ADGRL4: variants seen among roughly 807,000 people sequenced by gnomAD.
ADGRL4 encodes the protein EGF, latrophilin and seven transmembrane domain containing 1.
Under a neutral mutation model 74.8 loss-of-function variants are expected in ADGRL4, and 90 were observed. The observed-to-expected ratio is 1.20, with a 90% CI of 1.02 to 1.43. The LOEUF (loss-of-function observed/expected upper bound fraction) is 1.43, where lower values mean the gene tolerates loss of function less well. ADGRL4 is among the 40% of genes most tolerant of loss of function. ADGRL4 has a pLI of 0.00. For synonymous variants in ADGRL4, 311 were observed against 279.2 expected (o/e 1.11, Z -1.14); for missense variants, 881 against 814.3 (o/e 1.08, Z -1.00).
intron 13 of ADGRL4, among the ~76,000 whole-genome samples, chr1:78,892,188 T>A (rs749203606): frequency 5.9e-5 from 9 of 152,112 alleles, no homozygotes; most frequent in Non-Finnish European, 1.2e-4. Context: ...AACGAACGTG[T>A]AGGATATAAA....
intron 2 of ADGRL4, among the ~76,000 whole-genome samples, chr1:78,989,668 C>G (rs964093628): frequency 1.3e-5 from 2 of 151,538 alleles, no homozygotes; most frequent in African/African-American, 4.8e-5. Context: ...AATCTTGCAG[C>G]CTAGATGATC....
At chr1:78,950,632 G>T (rs1407759281) in intron 2 of ADGRL4, among the ~76,000 whole-genome samples, 2 of 152,216 alleles carry the variant, frequency 1.3e-5, no homozygotes, top group African/African-American at 4.8e-5. Flanking sequence ...AGAAGATAAA[G>T]AAAAGAGGGT....
intron 12 of ADGRL4, among the ~76,000 whole-genome samples, chr1:78,905,699 C>T (rs1181066273): frequency 6.6e-6 from 1 of 151,922 alleles, no homozygotes; most frequent in Non-Finnish European, 1.5e-5. Context: ...GTGATGTATT[C>T]TCAAGGCCTA....
At chr1:78,997,688 A>G (rs932800335) in intron 2 of ADGRL4, among the ~76,000 whole-genome samples, 2 of 152,070 alleles carry the variant, frequency 1.3e-5, no homozygotes, top group African/African-American at 2.4e-5. Context: ...CTATTTATTC[A>G]TCTAGGTGTT....
chr1:78,945,951 T>G (rs1407329523), intron 3 of ADGRL4, among the ~76,000 whole-genome samples: 3 of 152,200 alleles, frequency 2.0e-5, no homozygotes, highest in African/African-American at 7.2e-5. Flanking sequence ...TATTTTATTA[T>G]TCTAAAGTGT....
At chr1:78,935,695 T>C (rs1208818118) in intron 7 of ADGRL4, among the ~76,000 whole-genome samples, 2 of 152,080 alleles carry the variant, frequency 1.3e-5, no homozygotes, top group Admixed American at 1.3e-4. Context: ...AAATCAGAGC[T>C]CTTTTGTATA....
Position 78,923,832 on chromosome 1 carries a change from G to A in ADGRL4, c.1084-2046C>T, listed in dbSNP as rs534126836. Among the ~76,000 whole-genome samples, 981 of 151,840 alleles carry A rather than the reference G, an allele frequency of 6.5e-3. 9 individuals carry two copies. The highest frequency in any genetic ancestry group is 0.019 in the African/African-American group (768 of 41,512). On this transcript the variant is annotated intron_variant, in intron 8 of 14. Coordinates refer to ENST00000370742, the MANE Select transcript of ADGRL4 (RefSeq NM_022159.4). ...AAAAGTTTAAAAACTCCAAATATTA[G>A]AAGCTCTGCTGGGAAGTCTCATAAA...
rs564815309 is a variant in ADGRL4, at chr1:78,986,282, C to T, written c.172+18788G>A. On this transcript the variant is annotated intron_variant, in intron 2 of 14. Coordinates refer to ENST00000370742, the MANE Select transcript of ADGRL4 (RefSeq NM_022159.4). ...ATATTTAAGTTCTTATACAGCAGAA[C>T]TATGACTAATTGACTTTGTCTTTTG... 5.9e-5 allele frequency among the ~76,000 whole-genome samples: 9 copies of T among 151,824 alleles called. 1 individual carries two copies. Among genetic ancestry groups the T allele is most frequent in the African/African-American group, 1.9e-4 (8 of 41,476 alleles).
At chr1:78,973,942 C>A (rs1043372626) in intron 2 of ADGRL4, among the ~76,000 whole-genome samples, 13 of 151,898 alleles carry the variant, frequency 8.6e-5, no homozygotes, top group Non-Finnish European at 1.6e-4. Context: ...ACTTGGATTT[C>A]ATTATTGAGA....
chr1:78,993,394 G>A (rs1650648340), intron 2 of ADGRL4, among the ~76,000 whole-genome samples: 1 of 152,038 alleles, frequency 6.6e-6, no homozygotes, highest in Non-Finnish European at 1.5e-5. Context: ...ATCTTAAATA[G>A]TTTACTGAAG....
intron 2 of ADGRL4, among the ~76,000 whole-genome samples, chr1:78,964,418 C>A (rs1245853270): frequency 6.6e-6 from 1 of 152,064 alleles, no homozygotes; most frequent in African/African-American, 2.4e-5. Flanking sequence ...AAAGGTCGCA[C>A]AATAACCTTA....
chr1:78,957,613 CAGA>C (rs138762396), intron 2 of ADGRL4, among the ~76,000 whole-genome samples: 2,191 of 152,204 alleles, frequency 0.014, 55 homozygotes, highest in African/African-American at 0.05. Context: ...GAGGAAGTTG[CAGA>C]AGAATATTTG....
intron 12 of ADGRL4, among the ~76,000 whole-genome samples, chr1:78,897,842 T>C (rs1367749791): frequency 6.6e-6 from 1 of 152,142 alleles, no homozygotes; most frequent in Non-Finnish European, 1.5e-5. Flanking sequence ...TTCAGCAAAT[T>C]TGAGGTAACT....
chr1:78,953,217 T>C (rs1475797144), intron 2 of ADGRL4, among the ~76,000 whole-genome samples: 2 of 152,182 alleles, frequency 1.3e-5, no homozygotes, highest in African/African-American at 4.8e-5. Context: ...TAAAACTTTG[T>C]CATTCCATTG....
chr1:78,930,203 G>A (rs1649208405), intron 7 of ADGRL4, among the ~76,000 whole-genome samples: 1 of 150,710 alleles, frequency 6.6e-6, no homozygotes, highest in Non-Finnish European at 1.5e-5. Context: ...CTATTTTGTT[G>A]TTGTTCTCAT....
At chr1:78,906,578 T>C (rs564038352) in intron 12 of ADGRL4, among the ~76,000 whole-genome samples, 1 of 152,006 alleles carries the variant, frequency 6.6e-6, no homozygotes, top group Admixed American at 6.6e-5. Flanking sequence ...TTTACAACAA[T>C]GTAAATTGAT....
intron 3 of ADGRL4, among the ~76,000 whole-genome samples, chr1:78,942,623 A>T (rs112391502): frequency 0.032 from 4,832 of 152,232 alleles, 96 homozygotes; most frequent in South Asian, 0.053. Flanking sequence ...TTAACAAACA[A>T]TCTTAACTCA....
chr1:78,994,568 A>G (rs1335405128), intron 2 of ADGRL4, among the ~76,000 whole-genome samples: 3 of 152,232 alleles, frequency 2.0e-5, no homozygotes, highest in Admixed American at 6.5e-5. Flanking sequence ...GGCAGAGTCC[A>G]TCGTCAGTTT....
chr1:78,953,629 C>T (rs921975774), intron 2 of ADGRL4, among the ~76,000 whole-genome samples: 10 of 152,140 alleles, frequency 6.6e-5, no homozygotes, highest in African/African-American at 1.9e-4. Flanking sequence ...ATCAATCATG[C>T]ACTGTGTGTG....
Sources: gnomAD v4.1 joint callset for allele counts (sites outside exome capture counted in the v4.1 genomes callset) on GRCh38, gnomAD v4.1.1 for gene constraint, MANE v1.5 for transcripts, NCBI Gene and HGNC (gene_info 2026-07-23, HGNC 2026-07-21) for gene names.